The following SCFD2 variants were observed in gnomAD, a reference collection of about 807,000 sequenced individuals.
The protein encoded by SCFD2 is sec1 family domain containing 2, also known as sec1 family domain-containing protein 2.
Under a neutral mutation model 58.9 loss-of-function variants are expected in SCFD2, and 54 were observed. The observed-to-expected ratio is 0.92, with a 90% CI of 0.74 to 1.15. The LOEUF (loss-of-function observed/expected upper bound fraction) is 1.15, where lower values mean the gene tolerates loss of function less well. SCFD2 is among the 50% of genes most tolerant of loss of function. The pLI, the probability that SCFD2 is intolerant of heterozygous loss-of-function variation, is 0.00. For synonymous variants in SCFD2, 321 were observed against 335.9 expected (o/e 0.96, Z 0.49); for missense variants, 805 against 836.6 (o/e 0.96, Z 0.47).
intron 5 of SCFD2, among the ~76,000 whole-genome samples, chr4:52,941,534 A>G (rs1720292714): frequency 6.6e-6 from 1 of 152,204 alleles, no homozygotes. Flanking sequence ...ATGTTGAATT[A>G]TTACCCCACT....
chr4:53,292,060 A>C (rs1216217198), intron 3 of SCFD2, among the ~76,000 whole-genome samples: 2 of 152,100 alleles, frequency 1.3e-5, no homozygotes, highest in Non-Finnish European at 2.9e-5. Context: ...TAAAACCCAA[A>C]ACTATAAAAC....
rs1725623100 is a variant in SCFD2 at position 53,126,224 on chromosome 4, T to C, written c.1561+19109A>G. Among the ~76,000 whole-genome samples the C allele has an allele frequency of 3.9e-5, 6 of 152,350 alleles. No homozygotes were observed. The South Asian group carries it at 1.2e-3, about 32-fold the overall frequency. Reference sequence around the variant, plus strand: ...CAGTACTACCTTAGATGCACAGTTGTTCTTCCATAATAATCGGTTGAAAGG... The same window carrying C: ...CAGTACTACCTTAGATGCACAGTTGCTCTTCCATAATAATCGGTTGAAAGG... On this transcript the variant is annotated intron_variant, in intron 5 of 8. Coordinates refer to ENST00000401642, the MANE Select transcript of SCFD2 (RefSeq NM_152540.4).
chr4:53,215,880 T>C (rs1728809920), intron 4 of SCFD2, among the ~76,000 whole-genome samples: 1 of 152,136 alleles, frequency 6.6e-6, no homozygotes, highest in African/African-American at 2.4e-5. Flanking sequence ...ATCAAAGGCC[T>C]TTTCTGCATC....
intron 5 of SCFD2, among the ~76,000 whole-genome samples, chr4:53,128,814 TC>T (rs1228844927): frequency 6.6e-6 from 1 of 152,200 alleles, no homozygotes; most frequent in Non-Finnish European, 1.5e-5. Context: ...GTGCACTGTT[TC>T]TATGATTTCA....
At chr4:53,324,885 C>T (rs1733138647) in intron 2 of SCFD2, among the ~76,000 whole-genome samples, 4 of 152,084 alleles carry the variant, frequency 2.6e-5, no homozygotes, top group Admixed American at 2.6e-4. Flanking sequence ...AAACAGAAAA[C>T]AAGAAAATAT....
At chr4:52,935,581 G>A (rs1044483664) in intron 5 of SCFD2, among the ~76,000 whole-genome samples, 4 of 152,208 alleles carry the variant, frequency 2.6e-5, no homozygotes, top group Non-Finnish European at 2.9e-5. Flanking sequence ...CCTACGGTAT[G>A]TAAACCCTGG....
intron 5 of SCFD2, among the ~76,000 whole-genome samples, chr4:52,966,317 A>G (rs749910552): frequency 6.6e-6 from 1 of 152,236 alleles, no homozygotes; most frequent in Non-Finnish European, 1.5e-5. Flanking sequence ...GTGCATGTGC[A>G]AAGTAGATCA....
chr4:53,353,011 C>G (rs951069229), intron 1 of SCFD2, among the ~76,000 whole-genome samples: 2 of 152,144 alleles, frequency 1.3e-5, no homozygotes, highest in Non-Finnish European at 1.5e-5. Context: ...AGTACTGTAT[C>G]CCTAGCACCT....
chr4:53,241,387 C>A (rs1729887703), intron 4 of SCFD2, among the ~76,000 whole-genome samples: 1 of 152,164 alleles, frequency 6.6e-6, no homozygotes, highest in Non-Finnish European at 1.5e-5. Flanking sequence ...CAGTCTTCCC[C>A]ATGAGACAGG....
intron 2 of SCFD2, among the ~76,000 whole-genome samples, chr4:53,341,388 A>C (rs10003107): frequency 6.6e-6 from 1 of 151,876 alleles, no homozygotes; most frequent in Non-Finnish European, 1.5e-5. Context: ...GAAATGAAGC[A>C]AGAAGAGAAG....
intron 2 of SCFD2, among the ~76,000 whole-genome samples, chr4:53,350,295 C>T (rs1450004188): frequency 6.6e-6 from 1 of 152,244 alleles, no homozygotes; most frequent in South Asian, 2.1e-4. Flanking sequence ...GGCACAATGG[C>T]CAAGAAAAGT....
intron 4 of SCFD2, among the ~76,000 whole-genome samples, chr4:53,199,052 A>G (rs899733875): frequency 2.0e-5 from 3 of 152,012 alleles, no homozygotes; most frequent in African/African-American, 7.2e-5. Flanking sequence ...CCCATCTTCT[A>G]ATTAGTTTCT....
intron 2 of SCFD2, among the ~76,000 whole-genome samples, chr4:53,315,632 C>T (rs577439831): frequency 1.3e-5 from 2 of 152,264 alleles, no homozygotes; most frequent in African/African-American, 4.8e-5. Flanking sequence ...TAAAGCTCTG[C>T]AGGCAATTGA....
Position 53,261,423 on chromosome 4 carries a change from G to A in SCFD2, c.1311+12403C>T, listed in dbSNP as rs150068532. On this transcript the variant is annotated intron_variant, in intron 4 of 8. Coordinates refer to ENST00000401642, the MANE Select transcript of SCFD2 (RefSeq NM_152540.4). Reference sequence around the variant, plus strand: ...TGCTGTATCCTAGAGGTTTTGATAGGTTGTGTCACTATTATTGTTCAGACT... The same window carrying A: ...TGCTGTATCCTAGAGGTTTTGATAGATTGTGTCACTATTATTGTTCAGACT... Among the ~76,000 whole-genome samples, 54 of 152,138 alleles carry A rather than the reference G, an allele frequency of 3.5e-4. No individual in the cohort carries two copies. The East Asian group carries it at 6.6e-3, about 19-fold the overall frequency.
chr4:52,876,648 G>T (rs912265533), intron 8 of SCFD2, among the ~76,000 whole-genome samples: 2 of 151,730 alleles, frequency 1.3e-5, no homozygotes. Context: ...TACTTGGGAG[G>T]CTGAGGCAGG....
intron 5 of SCFD2, among the ~76,000 whole-genome samples, chr4:52,964,763 T>C (rs1720923969): frequency 6.6e-6 from 1 of 150,816 alleles, no homozygotes; most frequent in African/African-American, 2.4e-5. Context: ...CAAACACCCA[T>C]CAAGTGCAGT....
chr4:53,045,781 T>C (rs564393723), intron 5 of SCFD2, among the ~76,000 whole-genome samples: 52 of 152,138 alleles, frequency 3.4e-4, no homozygotes, highest in Non-Finnish European at 5.9e-4. Flanking sequence ...TTTTGGAAAA[T>C]AGAAAATAGT....
intron 5 of SCFD2, among the ~76,000 whole-genome samples, chr4:52,998,172 C>G (rs937799892): frequency 6.6e-6 from 1 of 151,990 alleles, no homozygotes; most frequent in Non-Finnish European, 1.5e-5. Flanking sequence ...ATTGGCAAGG[C>G]CTGGGATAAT....
At chr4:52,950,134 A>G (rs1025765827) in intron 5 of SCFD2, 1 of 152,268 alleles carries the variant, frequency 6.6e-6, no homozygotes, top group Non-Finnish European at 1.5e-5. Context: ...TAGCATGGCA[A>G]CAAAATATTT....
Sources: gnomAD v4.1 joint callset for allele counts (sites outside exome capture counted in the v4.1 genomes callset) on GRCh38, gnomAD v4.1.1 for gene constraint, MANE v1.5 for transcripts, NCBI Gene and HGNC (gene_info 2026-07-23, HGNC 2026-07-21) for gene names.